The following VRK2 variants were observed in gnomAD, a reference collection of about 807,000 sequenced individuals.
The protein encoded by VRK2 is VRK serine/threonine kinase 2, also known as serine/threonine-protein kinase VRK2.
VRK2 carries 60 observed loss-of-function variants against 57.6 expected under a neutral mutation model. The observed-to-expected ratio is 1.04, with a 90% CI of 0.85 to 1.29. The LOEUF is 1.29. VRK2 is among the 50% of genes most tolerant of loss of function. The pLI is 0.00. For synonymous variants in VRK2, 231 were observed against 199.2 expected (o/e 1.16, Z -1.35); for missense variants, 705 against 588.1 (o/e 1.20, Z -2.06).
chr2:58,146,372 C>T lies in VRK2; in HGVS notation c.1080C>T (p.Ile360=), dbSNP rs1452016307. 8 of 1,610,886 alleles carry T rather than the reference C, an allele frequency of 5.0e-6. No individual in the cohort carries two copies. The highest frequency in any genetic ancestry group is 2.2e-5 in the East Asian group (1 of 44,790). Residue 360 remains isoleucine (I), a synonymous_variant, in exon 12 of 13, where the codon ATC becomes ATT. Transcript: ENST00000340157. ...TCAACAAGGCACACAATAGGTTAAT[C>T]GAAAAAAAAGTCCACAGTGAGAGAA... ...KQVNKAHNRL[I]EKKVHSERSA...
intron 3 of VRK2, among the ~76,000 whole-genome samples, chr2:58,034,924 T>C (rs1431849462): frequency 1.3e-5 from 2 of 152,024 alleles, no homozygotes; most frequent in Admixed American, 1.3e-4. Context: ...CTTGCAAACA[T>C]ATGATATAGT....
Position 58,032,131 on chromosome 2 carries a change from TC to T in VRK2, c.-332-1094del, listed in dbSNP as rs1299098781. On this transcript the variant is annotated intron_variant, in intron 2 of 15. Coordinates refer to the VRK2 transcript ENST00000417641. The stretch of plus-strand genomic sequence containing the variant: ...AGGGGTTCAGGAAACAAAAATCTCT[TC>T]CATAGGAGTTGTTGTGGTTATGAAC... Among the ~76,000 whole-genome samples the T allele has an allele frequency of 2.6e-4, 40 of 152,076 alleles. 1 individual carries two copies. The highest frequency in any genetic ancestry group is 5.7e-4 in the Non-Finnish European group (39 of 67,986).
At chr2:58,126,602 A>C (rs147430085) in intron 8 of VRK2, among the ~76,000 whole-genome samples, 1 of 152,138 alleles carries the variant, frequency 6.6e-6, no homozygotes, top group Non-Finnish European at 1.5e-5. Context: ...GTACATCTGC[A>C]TATCTGTATG....
intron 1 of VRK2, among the ~76,000 whole-genome samples, chr2:57,948,955 G>C (rs1224013082): frequency 6.6e-6 from 1 of 151,936 alleles, no homozygotes; most frequent in East Asian, 1.9e-4. Context: ...GGTAAAGCTA[G>C]AAAAGGGGCT....
intron 1 of VRK2, among the ~76,000 whole-genome samples, chr2:57,962,270 G>C (rs1449907185): frequency 6.6e-6 from 1 of 152,002 alleles, no homozygotes; most frequent in African/African-American, 2.4e-5. Flanking sequence ...TTCAAATTCA[G>C]AAAAGAAAAA....
At chr2:58,009,273 A>G (rs987243863) in intron 1 of VRK2, among the ~76,000 whole-genome samples, 2 of 152,046 alleles carry the variant, frequency 1.3e-5, no homozygotes, top group African/African-American at 4.8e-5. Flanking sequence ...GACATATGAT[A>G]TATCTTGCAG....
intron 9 of VRK2, 114 bp downstream of exon 9, chr2:58,132,042 A>T: frequency 2.3e-6 from 3 of 1,319,044 alleles, no homozygotes; most frequent in Non-Finnish European, 3.1e-6. Flanking sequence ...ACCAAAGCAA[A>T]TTTCTTTAGT....
At chr2:57,967,383 AATAAG>A (rs1671956059) in intron 1 of VRK2, among the ~76,000 whole-genome samples, 1 of 152,048 alleles carries the variant, frequency 6.6e-6, no homozygotes, top group Non-Finnish European at 1.5e-5. Context: ...TAATAATAAT[AATAAG>A]ATAGATAATC....
At chr2:57,920,821 C>T (rs548032895) in intron 1 of VRK2, among the ~76,000 whole-genome samples, 5 of 152,154 alleles carry the variant, frequency 3.3e-5, no homozygotes, top group South Asian at 2.1e-4. Flanking sequence ...AATCTGACTC[C>T]GGCTGGGTGT....
intron 2 of VRK2, among the ~76,000 whole-genome samples, chr2:58,061,369 A>G (rs913231527): frequency 6.6e-6 from 1 of 151,970 alleles, no homozygotes; most frequent in African/African-American, 2.4e-5. Context: ...ACAACCAGTA[A>G]GTAACTGGCC....
intron 11 of VRK2, among the ~76,000 whole-genome samples, chr2:58,140,231 T>G (rs1010826281): frequency 1.3e-5 from 2 of 151,916 alleles, no homozygotes; most frequent in African/African-American, 4.8e-5. Flanking sequence ...CCAGGTTATT[T>G]GTATGTGCTG....
chr2:58,001,457 T>G (rs1673085761), intron 1 of VRK2, among the ~76,000 whole-genome samples: 1 of 152,230 alleles, frequency 6.6e-6, no homozygotes, highest in Admixed American at 6.5e-5. Context: ...GAAAATCTAA[T>G]GTACTTTGTT....
intron 1 of VRK2, among the ~76,000 whole-genome samples, chr2:57,968,143 C>A (rs1328938025): frequency 2.6e-5 from 4 of 151,770 alleles, no homozygotes; most frequent in African/African-American, 9.7e-5. Flanking sequence ...ACCAGAAAAG[C>A]CAACCTGAAA....
At chr2:57,966,895 G>C (rs985501277) in intron 1 of VRK2, among the ~76,000 whole-genome samples, 2 of 152,100 alleles carry the variant, frequency 1.3e-5, no homozygotes, top group African/African-American at 4.8e-5. Flanking sequence ...TATCCCAGTA[G>C]AATGGTTAGT....
chr2:58,027,189 C>T (rs1055472472), intron 2 of VRK2, among the ~76,000 whole-genome samples: 2 of 151,892 alleles, frequency 1.3e-5, no homozygotes, highest in Non-Finnish European at 2.9e-5. Context: ...TCCCATAGTA[C>T]TCCAAAATTA....
chr2:58,135,332 T>C (rs1356745882), intron 10 of VRK2, 133 bp downstream of exon 10: 2 of 848,956 alleles, frequency 2.4e-6, no homozygotes, highest in Non-Finnish European at 3.7e-6. Flanking sequence ...ACTCTTCATG[T>C]TGCAAATAAG....
chr2:58,047,023 A>C, intron 1 of VRK2, 155 bp downstream of exon 1: 1 of 963,398 alleles, frequency 1.0e-6, no homozygotes, highest in Non-Finnish European at 1.2e-6. Flanking sequence ...GCCCGGGCAG[A>C]GTCGCTGCTT....
chr2:57,917,980 T>C (rs1053322012), intron 1 of VRK2, among the ~76,000 whole-genome samples: 7 of 152,124 alleles, frequency 4.6e-5, no homozygotes, highest in Non-Finnish European at 4.4e-5. Context: ...AGGTTGATCA[T>C]TTCAGAGGTG....
intron 1 of VRK2, among the ~76,000 whole-genome samples, chr2:58,003,922 A>C (rs1326585302): frequency 6.6e-6 from 1 of 152,154 alleles, no homozygotes; most frequent in Non-Finnish European, 1.5e-5. Context: ...AGGCCTTCCT[A>C]TAGATTGAAT....
Sources: allele counts gnomAD v4.1 joint callset (sites outside exome capture counted in the v4.1 genomes callset), GRCh38; gene constraint gnomAD v4.1.1; transcripts MANE v1.5; gene names NCBI Gene and HGNC (gene_info 2026-07-23, HGNC 2026-07-21).